The following OR1L8 variants were observed in gnomAD, a reference collection of about 807,000 sequenced individuals.
OR1L8 encodes olfactory receptor family 1 subfamily L member 8, also known as olfactory receptor 1L8.
For synonymous variants in OR1L8, 148 were observed against 147.0 expected, an observed-to-expected ratio of 1.01 and a Z score of -0.05; for missense variants, 330 against 377.4, an observed-to-expected ratio of 0.87 and a Z score of 1.04.
chr9:122,566,205 T>C (rs143169347), downstream of OR1L8, among the ~76,000 whole-genome samples: 290 of 152,384 alleles, frequency 1.9e-3, no homozygotes, highest in Admixed American at 5.2e-3. Context: ...ATCGTGTTTT[T>C]AGATATGCAT....
the OR1L8 span, among the ~76,000 whole-genome samples, chr9:122,561,871 G>A: frequency 6.6e-6 from 1 of 152,192 alleles, no homozygotes; most frequent in South Asian, 2.1e-4. Flanking sequence ...CTTGGTGGAG[G>A]GGGTATGCTG....
chr9:122,573,326 C>T (rs1336017891), intron 3 of OR1L8, among the ~76,000 whole-genome samples: 1 of 152,250 alleles, frequency 6.6e-6, no homozygotes, highest in African/African-American at 2.4e-5. Flanking sequence ...CTTAACTTCA[C>T]TGCAATATCC....
chr9:122,573,846 A>C (rs1829594884), intron 3 of OR1L8, among the ~76,000 whole-genome samples: 1 of 152,142 alleles, frequency 6.6e-6, no homozygotes, highest in Non-Finnish European at 1.5e-5. Context: ...ATTTTCTCTT[A>C]TGTTATCCTC....
downstream of OR1L8, among the ~76,000 whole-genome samples, chr9:122,564,178 G>A (rs1829394815): frequency 3.3e-5 from 5 of 152,270 alleles, no homozygotes; most frequent in South Asian, 1.0e-3. Flanking sequence ...TCTAGTTAGA[G>A]TAGGCAATTA....
intron 1 of OR1L8, among the ~76,000 whole-genome samples, chr9:122,578,947 A>T (rs1829703119): frequency 6.8e-6 from 1 of 147,972 alleles, no homozygotes; most frequent in Non-Finnish European, 1.5e-5. Flanking sequence ...ACCTAAAATT[A>T]AAAAAAATTC....
chr9:122,551,653 A>C, the OR1L8 span, among the ~76,000 whole-genome samples: 2 of 152,088 alleles, frequency 1.3e-5, no homozygotes, highest in Non-Finnish European at 2.9e-5. Flanking sequence ...CCCGAGACCC[A>C]CATTTGAGAT....
intron 1 of OR1L8, 60 bp from the exon 2 acceptor site, chr9:122,578,505 G>A (rs1829695283): frequency 6.6e-6 from 1 of 151,096 alleles, no homozygotes; most frequent in East Asian, 1.9e-4. Context: ...GCACATGCAT[G>A]TTTATAGCAC....
chr9:122,564,882 A>G (rs551569676), downstream of OR1L8, among the ~76,000 whole-genome samples: 127 of 152,350 alleles, frequency 8.3e-4, no homozygotes, highest in African/African-American at 2.7e-3. Flanking sequence ...AATCAAGTTC[A>G]CAGAATTCTC....
chr9:122,549,637 G>A, the OR1L8 span, among the ~76,000 whole-genome samples: 19 of 152,184 alleles, frequency 1.2e-4, no homozygotes, highest in East Asian at 3.7e-3. Context: ...CCCAGTGTAT[G>A]TTTTTGTTAA....
chr9:122,562,360 C>T (rs1829367424), downstream of OR1L8, among the ~76,000 whole-genome samples: 1 of 152,244 alleles, frequency 6.6e-6, no homozygotes, highest in Admixed American at 6.5e-5. Flanking sequence ...CAACTCCTCC[C>T]AGGAAGTCAG....
intron 3 of OR1L8, among the ~76,000 whole-genome samples, chr9:122,576,340 G>C (rs1409105770): frequency 6.6e-6 from 1 of 151,508 alleles, no homozygotes; most frequent in African/African-American, 2.4e-5. Context: ...TCCTGGCTCA[G>C]CCTCCCAAGT....
the OR1L8 span, among the ~76,000 whole-genome samples, chr9:122,558,924 T>C: frequency 6.6e-6 from 1 of 152,104 alleles, no homozygotes; most frequent in Non-Finnish European, 1.5e-5. Flanking sequence ...TTATCCTTAA[T>C]TGACACAATG....
At chr9:122,556,634 T>G in the OR1L8 span, among the ~76,000 whole-genome samples, 1 of 152,074 alleles carries the variant, frequency 6.6e-6, no homozygotes, top group Non-Finnish European at 1.5e-5. Context: ...TGTATACCTA[T>G]GTAACAAACC....
At chr9:122,580,147 C>CTGGACAATGAAAATCTGCTGCAGAAAA (rs1829721857) in intron 1 of OR1L8, among the ~76,000 whole-genome samples, 1 of 151,908 alleles carries the variant, frequency 6.6e-6, no homozygotes, top group African/African-American at 2.4e-5. Flanking sequence ...TACCTAGTAA[C>CTGGACAATGAAAATCTGCTGCAGAAAA]TGGACAATGA....
chr9:122,554,431 T>C, the OR1L8 span, among the ~76,000 whole-genome samples: 1 of 152,190 alleles, frequency 6.6e-6, no homozygotes, highest in African/African-American at 2.4e-5. Flanking sequence ...AACCAGCATA[T>C]TAGCCATAGT....
intron 1 of OR1L8, among the ~76,000 whole-genome samples, chr9:122,580,701 G>A (rs1829729218): frequency 6.6e-6 from 1 of 151,892 alleles, no homozygotes; most frequent in Admixed American, 6.6e-5. Context: ...TAAAAGAATG[G>A]TTGTTGTATT....
At chr9:122,552,409 G>T in the OR1L8 span, among the ~76,000 whole-genome samples, 1 of 152,272 alleles carries the variant, frequency 6.6e-6, no homozygotes, top group East Asian at 1.9e-4. Flanking sequence ...AGGGGTGAAG[G>T]CACAGGTGAA....
At chr9:122,561,944 C>T in the OR1L8 span, among the ~76,000 whole-genome samples, 11 of 152,182 alleles carry the variant, frequency 7.2e-5, no homozygotes, top group Admixed American at 7.2e-4. Flanking sequence ...GTAGGAAAAA[C>T]TAAGTCTGCT....
the OR1L8 span, among the ~76,000 whole-genome samples, chr9:122,552,174 C>T: frequency 6.2e-3 from 937 of 152,112 alleles, 10 homozygotes; most frequent in Middle Eastern, 0.027. Context: ...TGCCTAAGGT[C>T]AGAAGCTTCT....
Sources: gnomAD v4.1 joint callset for allele counts (sites outside exome capture counted in the v4.1 genomes callset) on GRCh38, gnomAD v4.1.1 for gene constraint, MANE v1.5 for transcripts, NCBI Gene and HGNC (gene_info 2026-07-23, HGNC 2026-07-21) for gene names.